The following SHISA6 variants were observed in gnomAD, a reference collection of about 807,000 sequenced individuals.
SHISA6 encodes the protein protein shisa-6.
Under a neutral mutation model 47.9 loss-of-function variants are expected in SHISA6, and 22 were observed. The observed-to-expected ratio is 0.46, with a 90% CI of 0.33 to 0.66. The LOEUF (loss-of-function observed/expected upper bound fraction) is 0.66, where lower values mean the gene tolerates loss of function less well. SHISA6 is among the 30% of genes least tolerant of loss of function. The pLI is 0.02. For missense variants in SHISA6, 680 were observed against 764.6 expected, an observed-to-expected ratio of 0.89 and a Z score of 1.30; for synonymous variants, 388 against 337.8, an observed-to-expected ratio of 1.15 and a Z score of -1.63.
At chr17:11,557,073 G>C (rs1161061330) in intron 5 of SHISA6, among the ~76,000 whole-genome samples, 2 of 152,234 alleles carry the variant, frequency 1.3e-5, no homozygotes, top group African/African-American at 2.4e-5. Flanking sequence ...ATGGGCACAG[G>C]TGGAGTGTGT....
chr17:11,457,723 AGAGT>A (rs1325189258), intron 3 of SHISA6, among the ~76,000 whole-genome samples: 6 of 143,928 alleles, frequency 4.2e-5, no homozygotes, highest in African/African-American at 1.6e-4. Context: ...TCTGGGTGAC[AGAGT>A]GAGACTCAGT....
intron 2 of SHISA6, among the ~76,000 whole-genome samples, chr17:11,277,917 T>A (rs187596544): frequency 6.6e-6 from 1 of 151,954 alleles, no homozygotes; most frequent in Admixed American, 6.5e-5. Flanking sequence ...CACTCCTACT[T>A]ACATCACATT....
intron 2 of SHISA6, among the ~76,000 whole-genome samples, chr17:11,342,385 G>T (rs1911563332): frequency 6.6e-6 from 1 of 151,850 alleles, no homozygotes; most frequent in Non-Finnish European, 1.5e-5. Flanking sequence ...TGGAGGCTGG[G>T]GCTGCAGCCA....
intron 2 of SHISA6, among the ~76,000 whole-genome samples, chr17:11,285,438 G>T (rs1298345625): frequency 1.3e-5 from 2 of 152,182 alleles, no homozygotes; most frequent in Non-Finnish European, 2.9e-5. Flanking sequence ...TTGCCTTGCA[G>T]TTGGGAAAAG....
intron 2 of SHISA6, among the ~76,000 whole-genome samples, chr17:11,368,410 T>C (rs1912524474): frequency 6.6e-6 from 1 of 152,200 alleles, no homozygotes; most frequent in Admixed American, 6.5e-5. Context: ...GCATGAAAAC[T>C]GATACTCTCC....
At chr17:11,374,453 T>A (rs1597481961) in intron 2 of SHISA6, among the ~76,000 whole-genome samples, 2 of 149,614 alleles carry the variant, frequency 1.3e-5, no homozygotes, top group Non-Finnish European at 2.9e-5. Flanking sequence ...ATGTGACAGT[T>A]TTTAGTGTGT....
At chr17:11,459,177 C>A (rs1915635576) in intron 3 of SHISA6, among the ~76,000 whole-genome samples, 1 of 149,802 alleles carries the variant, frequency 6.7e-6, no homozygotes, top group African/African-American at 2.5e-5. Context: ...CAAAATCGCA[C>A]CACTTCACTC....
intron 3 of SHISA6, among the ~76,000 whole-genome samples, chr17:11,520,119 G>A (rs536972474): frequency 9.2e-5 from 14 of 151,978 alleles, no homozygotes; most frequent in Non-Finnish European, 1.3e-4. Flanking sequence ...CTCGAGCCTC[G>A]ACTTTTTCTC....
intron 4 of SHISA6, among the ~76,000 whole-genome samples, chr17:11,553,915 C>T (rs1018431752): frequency 7.2e-5 from 11 of 152,170 alleles, no homozygotes; most frequent in South Asian, 4.2e-4. Flanking sequence ...TTGAGTGAGG[C>T]GGGAATTTCA....
Position 11,287,757 on chromosome 17 carries a change from G to A in SHISA6, c.799+24231G>A, listed in dbSNP as rs565847088. 2.7e-5 allele frequency among the ~76,000 whole-genome samples: 4 copies of A among 149,418 alleles called. No individual in the cohort carries two copies. In the South Asian group the frequency reaches 8.6e-4, roughly 32 times the overall value. On this transcript the variant is annotated intron_variant, in intron 2 of 5. Coordinates refer to ENST00000441885, the MANE Select transcript of SHISA6 (RefSeq NM_207386.4). ...GCTGGGAAGGGAAGGGAAGGGAAGT[G>A]GGGAGGGAAGGAAAGAAGGAAGGCC...
rs184670829 is a variant in SHISA6, at chr17:11,558,347, G to C, written c.*43G>C. 3.0e-3 allele frequency: 4,566 copies of C among 1,514,698 alleles called. 11 individuals carry two copies. The highest frequency in any genetic ancestry group is 3.3e-3 in the Non-Finnish European group (3,780 of 1,133,332). 93.8% of individuals were successfully genotyped at this position (1,514,698 alleles called of 1,614,324 possible). ...GGGCTGCTGGGCGTGGCAGAGCAGAGCGGGGGCCGGGAGGGGCCAGGAGCA... is the reference window on the plus strand; with the variant it reads ...GGGCTGCTGGGCGTGGCAGAGCAGACCGGGGGCCGGGAGGGGCCAGGAGCA... On this transcript the variant is annotated 3_prime_UTR_variant, in exon 6 of 6. Transcript: ENST00000441885.
intron 3 of SHISA6, among the ~76,000 whole-genome samples, chr17:11,465,602 GC>G (rs1915790890): frequency 6.6e-6 from 1 of 152,060 alleles, no homozygotes; most frequent in African/African-American, 2.4e-5. Context: ...CCTAGCTACT[GC>G]CCCCAGGAGA....
At chr17:11,479,583 A>G (rs1916161662) in intron 3 of SHISA6, among the ~76,000 whole-genome samples, 1 of 152,130 alleles carries the variant, frequency 6.6e-6, no homozygotes, top group Non-Finnish European at 1.5e-5. Context: ...CTTATGTAAC[A>G]AACCTGCATG....
At chr17:11,441,298 T>G (rs2969184) in intron 3 of SHISA6, among the ~76,000 whole-genome samples, 120,850 of 152,158 alleles carry the variant, frequency 0.79, 48,403 homozygotes, top group African/African-American at 0.88. Context: ...TTTGAAAATA[T>G]AAGGCTTTGG....
intron 2 of SHISA6, among the ~76,000 whole-genome samples, chr17:11,272,471 T>C (rs1908715083): frequency 6.6e-6 from 1 of 152,144 alleles, no homozygotes; most frequent in African/African-American, 2.4e-5. Flanking sequence ...TTGGCCCCAG[T>C]TTGGAACCCC....
intron 3 of SHISA6, among the ~76,000 whole-genome samples, chr17:11,382,019 G>A (rs1317431584): frequency 2.0e-5 from 3 of 152,136 alleles, no homozygotes; most frequent in Admixed American, 6.5e-5. Flanking sequence ...GTTTGAGGTT[G>A]GTGGTTGGGG....
intron 3 of SHISA6, among the ~76,000 whole-genome samples, chr17:11,437,257 C>T (rs570326757): frequency 3.5e-4 from 53 of 152,262 alleles, no homozygotes; most frequent in African/African-American, 1.3e-3. Context: ...GAGAATTGCC[C>T]CAGGACCATT....
intron 3 of SHISA6, among the ~76,000 whole-genome samples, chr17:11,399,115 G>C (rs530349857): frequency 2.6e-5 from 4 of 152,176 alleles, no homozygotes; most frequent in Non-Finnish European, 4.4e-5. Context: ...AGGAATAACA[G>C]TGGTAATTAA....
chr17:11,459,218 CAAAAA>C (rs200165239), intron 3 of SHISA6, among the ~76,000 whole-genome samples: 2 of 90,748 alleles, frequency 2.2e-5, no homozygotes. Flanking sequence ...GACTCCATCT[CAAAAA>C]AAAAAAAAAA....
Sources: allele counts gnomAD v4.1 joint callset (sites outside exome capture counted in the v4.1 genomes callset), GRCh38; gene constraint gnomAD v4.1.1; transcripts MANE v1.5; gene names NCBI Gene and HGNC (gene_info 2026-07-23, HGNC 2026-07-21).